Variants in AGPAT4 observed in about 807,000 individuals in gnomAD.
AGPAT4 encodes the protein 1-acyl-sn-glycerol-3-phosphate acyltransferase delta.
A neutral mutation model predicts 48.0 loss-of-function variants in AGPAT4; 15 were observed. The ratio of observed to expected loss-of-function variants is 0.31; its 90% CI spans 0.21 to 0.48. AGPAT4 has a LOEUF of 0.48. Among genes scored for constraint, AGPAT4 ranks in the 20% least tolerant of loss-of-function variants. AGPAT4 has a pLI of 0.99. For missense variants in AGPAT4, 314 were observed against 482.5 expected, an observed-to-expected ratio of 0.65 and a Z score of 3.27; for synonymous variants, 178 against 198.7, an observed-to-expected ratio of 0.90 and a Z score of 0.88.
Position 161,140,401 on chromosome 6 carries a change from G to A in AGPAT4, c.844-781C>T, listed in dbSNP as rs886862123. Among the ~76,000 whole-genome samples, 1 of 152,230 alleles carries A rather than the reference G, an allele frequency of 6.6e-6. No homozygotes were observed. On this transcript the variant is annotated intron_variant, in intron 7 of 8. Transcript: ENST00000320285. The surrounding 1 kb of genome is among the most constrained non-coding windows in gnomAD (Gnocchi z 6.5). ...TCATCCACATCCACCCACAGGGTGT[G>A]TGTGTCACCGAGCAGCTTGCAGGGC...
intron 2 of AGPAT4, among the ~76,000 whole-genome samples, chr6:161,175,962 A>G (rs940417108): frequency 1.3e-4 from 20 of 152,308 alleles, no homozygotes; most frequent in East Asian, 9.6e-4. Flanking sequence ...TGAGTTTCTT[A>G]ATCCTGAGTT....
rs527988229 is a variant in AGPAT4, at chr6:161,234,011, C to T, written c.-89-1709G>A. 9.1e-4 allele frequency among the ~76,000 whole-genome samples: 138 copies of T among 152,246 alleles called. No homozygotes were observed. Among genetic ancestry groups the T allele is most frequent in the Non-Finnish European group, 2.4e-4 (16 of 68,018 alleles). ...TGATCTTGGGGCTCAGTTTTAACTC[C>T]GAGCTCTTTCTCCTGCACGTGTCAG... On this transcript the variant is annotated intron_variant, in intron 1 of 8. Coordinates refer to ENST00000320285, the MANE Select transcript of AGPAT4 (RefSeq NM_020133.3). The surrounding 1 kb of genome is among the most constrained non-coding windows in gnomAD (Gnocchi z 4.4).
Position 161,148,633 on chromosome 6 carries a change from T to C in AGPAT4, c.767+554A>G, listed in dbSNP as rs998254736. ...GCATGAACTGCCATTGTGTTTACTATCTGCAGCACCTTCCAATTCTGTTTC... is the reference window on the plus strand; with the variant it reads ...GCATGAACTGCCATTGTGTTTACTACCTGCAGCACCTTCCAATTCTGTTTC... On this transcript the variant is annotated intron_variant, in intron 6 of 8. Transcript: ENST00000320285. The surrounding 1 kb of genome is among the most constrained non-coding windows in gnomAD (Gnocchi z 5.5). Among the ~76,000 whole-genome samples, 21 of 152,340 alleles carry C rather than the reference T, an allele frequency of 1.4e-4. No homozygotes were observed. Among genetic ancestry groups the C allele is most frequent in the African/African-American group, 5.1e-4 (21 of 41,578 alleles).
chr6:161,222,710 G>A lies in AGPAT4; in HGVS notation c.178+9326C>T, dbSNP rs1479081625. 3.9e-5 allele frequency among the ~76,000 whole-genome samples: 6 copies of A among 152,072 alleles called. No homozygotes were observed. In the South Asian group the frequency reaches 1.2e-3, roughly 32 times the overall value. On this transcript the variant is annotated intron_variant, in intron 2 of 8. Coordinates refer to ENST00000320285, the MANE Select transcript of AGPAT4 (RefSeq NM_020133.3). The surrounding 1 kb of genome is among the most constrained non-coding windows in gnomAD (Gnocchi z 5.9). ...TGAAATTTCTGAGGGATGGATACTT[G>A]GAGCCCATCTAGTGAGAGGGTCAAT...
At position 161,233,475 on chromosome 6, in the gene AGPAT4, A is replaced by G. The variant is rs1782184982; in HGVS notation, c.-89-1173T>C. Among the ~76,000 whole-genome samples, 2 of 152,212 alleles carry G rather than the reference A, an allele frequency of 1.3e-5. No homozygotes were observed. Among genetic ancestry groups the G allele is most frequent in the Admixed American group, 6.5e-5 (1 of 15,288 alleles). On this transcript the variant is annotated intron_variant, in intron 1 of 8. Transcript: ENST00000320285. The surrounding 1 kb of genome is among the most constrained non-coding windows in gnomAD (Gnocchi z 5.4). ...TTACAATCTTTTTTAATAATGAACA[A>G]TCTGTATACAGATGGTCCTCGACTT...
chr6:161,266,603 G>A lies in AGPAT4; in HGVS notation c.-90+7335C>T, dbSNP rs572395506. On this transcript the variant is annotated intron_variant, in intron 1 of 8. Transcript: ENST00000320285. The surrounding 1 kb of genome is among the most constrained non-coding windows in gnomAD (Gnocchi z 6.2). Reference sequence around the variant, plus strand: ...CAGGCATAGAAATGGTTCCTATGCAGGCTACCCACACAAAAGGCCGAAGAA... The same window carrying A: ...CAGGCATAGAAATGGTTCCTATGCAAGCTACCCACACAAAAGGCCGAAGAA... Among the ~76,000 whole-genome samples, 6 of 152,258 alleles carry A rather than the reference G, an allele frequency of 3.9e-5. No homozygotes were observed. The highest frequency in any genetic ancestry group is 2.1e-4 in the South Asian group (1 of 4,822).
rs1781229966 is a variant in AGPAT4 at position 161,201,240 on chromosome 6, G to C, written c.178+30796C>G. On this transcript the variant is annotated intron_variant, in intron 2 of 8. Transcript: ENST00000320285. The surrounding 1 kb of genome is among the most constrained non-coding windows in gnomAD (Gnocchi z 6.0). ...TTAATTCTGTACCTAATCAGATAAG[G>C]TGAAGGTTAAGAAGCCATTAATGAA... 6.6e-6 allele frequency among the ~76,000 whole-genome samples: 1 copy of C among 152,160 alleles called. No homozygotes were observed. The highest frequency in any genetic ancestry group is 1.5e-5 in the Non-Finnish European group (1 of 68,026).
Position 161,234,672 on chromosome 6 carries a change from G to A in AGPAT4, c.-89-2370C>T, listed in dbSNP as rs936323594. Among the ~76,000 whole-genome samples, 9 of 152,076 alleles carry A rather than the reference G, an allele frequency of 5.9e-5. No homozygotes were observed. The highest frequency in any genetic ancestry group is 1.7e-4 in the African/African-American group (7 of 41,408). On this transcript the variant is annotated intron_variant, in intron 1 of 8. Transcript: ENST00000320285. This position sits in a 1 kb window ranked among gnomAD's most constrained non-coding sequence, Gnocchi z 4.4. The stretch of plus-strand genomic sequence containing the variant: ...TGTCCCCGGATTAGCCACTAATAGC[G>A]TCAAGACAATCTGGCCAGGCCAAGC...
chr6:161,149,892 C>T lies in AGPAT4; in HGVS notation c.665-603G>A, dbSNP rs930024447. 2.6e-5 allele frequency among the ~76,000 whole-genome samples: 4 copies of T among 152,082 alleles called. No homozygotes were observed. The highest frequency in any genetic ancestry group is 3.9e-4 in the East Asian group (2 of 5,188). ...AAAGTCAGGTCTAGAGGTACTACGA[C>T]GATGATTTGTAACTTTCTAATGTGC... On this transcript the variant is annotated intron_variant, in intron 5 of 8. Coordinates refer to ENST00000320285, the MANE Select transcript of AGPAT4 (RefSeq NM_020133.3). The surrounding 1 kb of genome is among the most constrained non-coding windows in gnomAD (Gnocchi z 6.5).
At chr6:161,247,979 C>CT (rs1254553206) in intron 1 of AGPAT4, among the ~76,000 whole-genome samples, 13 of 75,724 alleles carry the variant, frequency 1.7e-4, no homozygotes, top group Non-Finnish European at 2.8e-4. Context: ...AAGACTCTGT[C>CT]TCAAAAAAAA....
rs1404419885 is a variant in AGPAT4 at position 161,142,802 on chromosome 6, A to G, written c.844-3182T>C. On this transcript the variant is annotated intron_variant, in intron 7 of 8. Coordinates refer to ENST00000320285, the MANE Select transcript of AGPAT4 (RefSeq NM_020133.3). This position sits in a 1 kb window ranked among gnomAD's most constrained non-coding sequence, Gnocchi z 6.4. ...CGCAAGCCTTGGTCTCAGCCCGCAGACACCACCCGAGTGCACGGCCAGGAC... is the reference window on the plus strand; with the variant it reads ...CGCAAGCCTTGGTCTCAGCCCGCAGGCACCACCCGAGTGCACGGCCAGGAC... 2.6e-5 allele frequency among the ~76,000 whole-genome samples: 4 copies of G among 152,342 alleles called. No homozygotes were observed. In the East Asian group the frequency reaches 7.7e-4, roughly 29 times the overall value.
Position 161,196,816 on chromosome 6 carries a change from C to CA in AGPAT4, c.179-30400dup, listed in dbSNP as rs56741331. On this transcript the variant is annotated intron_variant, in intron 2 of 8. Transcript: ENST00000320285. This position sits in a 1 kb window ranked among gnomAD's most constrained non-coding sequence, Gnocchi z 4.3. ...AGAGAAAGACTCTATCTCCCCCCGCCAAAAAAAAAAAAAAAATGCCAAGGA... is the reference window on the plus strand; with the variant it reads ...AGAGAAAGACTCTATCTCCCCCCGCCAAAAAAAAAAAAAAAAATGCCAAGGA... Among the ~76,000 whole-genome samples, 5,594 of 105,032 alleles carry CA rather than the reference C, an allele frequency of 0.053. 293 individuals are homozygous for CA. The highest frequency in any genetic ancestry group is 0.14 in the African/African-American group (3,956 of 29,232). The allele number at this position is 105,032 out of a possible 152,430, so 68.9% of individuals were successfully genotyped here. A position where few individuals can be genotyped will look rare whatever the true frequency, so the allele number is the denominator to read the frequency against.
rs1779331469 is a variant in AGPAT4, at chr6:161,143,851, C to T, written c.843+2673G>A. 2 of 280,428 alleles carry T rather than the reference C, an allele frequency of 7.1e-6. No homozygotes were observed. Among genetic ancestry groups the T allele is most frequent in the Admixed American group, 9.5e-5 (2 of 21,070 alleles). The allele number at this position is 280,428 out of a possible 1,614,324, so 17.4% of individuals were successfully genotyped here. ...GCTTGGAAAGACCAGAATGTTGGCACACCTCTGTTGGCTGCCTGCCATTCC... is the reference window on the plus strand; with the variant it reads ...GCTTGGAAAGACCAGAATGTTGGCATACCTCTGTTGGCTGCCTGCCATTCC... On this transcript the variant is annotated intron_variant, in intron 7 of 8. Transcript: ENST00000320285. The surrounding 1 kb of genome is among the most constrained non-coding windows in gnomAD (Gnocchi z 4.7).
rs1329190359 is a variant in AGPAT4, at chr6:161,259,168, G to A, written c.-90+14770C>T. 1.3e-5 allele frequency among the ~76,000 whole-genome samples: 2 copies of A among 152,006 alleles called. No individual in the cohort carries two copies. The highest frequency in any genetic ancestry group is 6.6e-5 in the Admixed American group (1 of 15,262). On this transcript the variant is annotated intron_variant, in intron 1 of 8. Coordinates refer to ENST00000320285, the MANE Select transcript of AGPAT4 (RefSeq NM_020133.3). The surrounding 1 kb of genome is among the most constrained non-coding windows in gnomAD (Gnocchi z 4.9). ...TGTACAACATAATGTTATGATATAC[G>A]TTTACACCGTGAAATGATTAAATGA...
intron 2 of AGPAT4, among the ~76,000 whole-genome samples, chr6:161,230,620 T>C (rs934026479): frequency 6.6e-6 from 1 of 152,194 alleles, no homozygotes; most frequent in Non-Finnish European, 1.5e-5. Flanking sequence ...AAGTTTTTCC[T>C]TTTTCTATAC....
chr6:161,151,575 A>G (rs1779594214), intron 5 of AGPAT4, among the ~76,000 whole-genome samples: 1 of 152,256 alleles, frequency 6.6e-6, no homozygotes, highest in African/African-American at 2.4e-5. Flanking sequence ...TAACAAGAGC[A>G]GCCTTTGATT....
chr6:161,153,059 C>A (rs1643935641), intron 5 of AGPAT4, among the ~76,000 whole-genome samples: 1 of 152,214 alleles, frequency 6.6e-6, no homozygotes, highest in East Asian at 1.9e-4. Flanking sequence ...ACCCAGGTTA[C>A]CCCATGGGCC....
At position 161,228,661 on chromosome 6, in the gene AGPAT4, T is replaced by TAAAAAAAAAAAAAAAAAAAAAAAAAAAA. The variant is rs375011382; in HGVS notation, c.178+3374_178+3375insTTTTTTTTTTTTTTTTTTTTTTTTTTTT. Among the ~76,000 whole-genome samples the TAAAAAAAAAAAAAAAAAAAAAAAAAAAA allele has an allele frequency of 5.9e-5, 5 of 84,110 alleles. 1 individual carries two copies. In the East Asian group the frequency reaches 1.1e-3, roughly 18 times the overall value. The allele number at this position is 84,110 out of a possible 152,430, so 55.2% of individuals were successfully genotyped here. ...TTTGAAACCCACAATGTCAGAGAGG[T>TAAAAAAAAAAAAAAAAAAAAAAAAAAAA]AAAAAAAAAAAAAAAAGCCAGTCTT... On this transcript the variant is annotated intron_variant, in intron 2 of 8. Coordinates refer to ENST00000320285, the MANE Select transcript of AGPAT4 (RefSeq NM_020133.3).
In AGPAT4 at chr6:161,223,030, C is replaced by T. The variant is rs978817351; in HGVS notation, c.178+9006G>A. On this transcript the variant is annotated intron_variant, in intron 2 of 8. Coordinates refer to ENST00000320285, the MANE Select transcript of AGPAT4 (RefSeq NM_020133.3). This position sits in a 1 kb window ranked among gnomAD's most constrained non-coding sequence, Gnocchi z 6.3. ...GGCTTGTGATGCTGCTTCACGGGGA[C>T]GTCGCTGCGCCCTGCACAGGATGGC... Among the ~76,000 whole-genome samples, 1 of 152,140 alleles carries T rather than the reference C, an allele frequency of 6.6e-6. No homozygotes were observed. The highest frequency in any genetic ancestry group is 1.5e-5 in the Non-Finnish European group (1 of 68,024).
Sources: gnomAD v4.1 joint callset for allele counts (sites outside exome capture counted in the v4.1 genomes callset) on GRCh38, gnomAD v4.1.1 for gene constraint, Gnocchi (gnomAD v3.1) non-coding constraint, MANE v1.5 for transcripts, NCBI Gene and HGNC (gene_info 2026-07-23, HGNC 2026-07-21) for gene names.